Variants in FDFT1 observed in about 807,000 individuals in gnomAD.
FDFT1 encodes the protein squalene synthase.
A neutral mutation model predicts 46.8 loss-of-function variants in FDFT1; 68 were observed. The ratio of observed to expected loss-of-function variants is 1.45; its 90% CI spans 1.19 to 1.78. The LOEUF is 1.78. Among genes scored for constraint, FDFT1 ranks in the 40% most tolerant of loss-of-function variants. The pLI, the probability that FDFT1 is intolerant of heterozygous loss-of-function variation, is 0.00. For synonymous variants in FDFT1, 351 were observed against 185.1 expected (o/e 1.90, Z -7.28); for missense variants, 928 against 524.4 (o/e 1.77, Z -7.52).
chr8:11,801,967 G>C (rs754663959), upstream of FDFT1: 8 of 455,666 alleles, frequency 1.8e-5, no homozygotes, highest in South Asian at 1.2e-4. Context: ...GCGATTACAG[G>C]CGTGAGCCAC....
chr8:11,804,754 C>G (rs989473797), intron 1 of FDFT1, among the ~76,000 whole-genome samples: 3 of 151,760 alleles, frequency 2.0e-5, no homozygotes, highest in Admixed American at 2.0e-4. Flanking sequence ...TTACAGGCAC[C>G]TGCCACTACG....
At chr8:11,823,011 G>C (rs1051844753) in intron 4 of FDFT1, among the ~76,000 whole-genome samples, 2 of 152,130 alleles carry the variant, frequency 1.3e-5, no homozygotes, top group African/African-American at 4.8e-5. Flanking sequence ...CTGGTGTGTA[G>C]TGGTGTGATC....
At position 11,838,641 on chromosome 8, in the gene FDFT1, T is replaced by G; in HGVS notation, c.*32T>G. The G allele has an allele frequency of 6.6e-7, 1 of 1,514,032 alleles. No homozygotes were observed. The highest frequency in any genetic ancestry group is 9.2e-7 in the Non-Finnish European group (1 of 1,088,682). 93.8% of individuals were successfully genotyped at this position (1,514,032 alleles called of 1,614,324 possible). Reference sequence around the variant, plus strand: ...ATTTGTCCATAGCTGAAGTCCACCATAAAGTGGATTTACTTTTTTTCTTTA... The same window carrying G: ...ATTTGTCCATAGCTGAAGTCCACCAGAAAGTGGATTTACTTTTTTTCTTTA... On this transcript the variant is annotated 3_prime_UTR_variant, in exon 8 of 8. Transcript: ENST00000220584.
chr8:11,797,938 A>G (rs1410716200), upstream of FDFT1: 1 of 152,288 alleles, frequency 6.6e-6, no homozygotes, highest in Non-Finnish European at 1.5e-5. Context: ...TGAAATCCCA[A>G]CAAAGGATGT....
chr8:11,820,837 G>T (rs1256910936), intron 3 of FDFT1, among the ~76,000 whole-genome samples: 1 of 152,214 alleles, frequency 6.6e-6, no homozygotes, highest in Non-Finnish European at 1.5e-5. Context: ...ATGAGGTGAC[G>T]TCCTGCCCTG....
At chr8:11,830,604 G>C (rs1296347472) in intron 6 of FDFT1, among the ~76,000 whole-genome samples, 184 bp downstream of exon 6, 4 of 152,172 alleles carry the variant, frequency 2.6e-5, no homozygotes, top group African/African-American at 9.7e-5. Context: ...GCTCAGCCTT[G>C]AGGTTAAGCC....
At chr8:11,808,485 T>C (rs1185065990) in intron 1 of FDFT1, 2 of 1,326,226 alleles carry the variant, frequency 1.5e-6, no homozygotes, top group Middle Eastern at 2.8e-4. Context: ...CTTGAGTCTA[T>C]GGAGGAAAAA....
At chr8:11,822,185 T>C (rs1042077944) in intron 4 of FDFT1, among the ~76,000 whole-genome samples, 1 of 152,256 alleles carries the variant, frequency 6.6e-6, no homozygotes, top group Non-Finnish European at 1.5e-5. Context: ...GTTAGGAGTC[T>C]TGCCTATTTT....
chr8:11,808,502 G>C, intron 1 of FDFT1: 4 of 1,326,742 alleles, frequency 3.0e-6, no homozygotes, highest in Non-Finnish European at 3.8e-6. Flanking sequence ...AAAACTCCGC[G>C]GGGTCCGCGA....
intron 5 of FDFT1, among the ~76,000 whole-genome samples, chr8:11,826,618 A>G (rs1431601233): frequency 1.3e-5 from 2 of 152,222 alleles, no homozygotes; most frequent in African/African-American, 4.8e-5. Context: ...GTTCGAGACC[A>G]GCCTGGCCAA....
chr8:11,828,399 CTT>C (rs1810306270), intron 5 of FDFT1, among the ~76,000 whole-genome samples: 1 of 152,236 alleles, frequency 6.6e-6, no homozygotes, highest in Non-Finnish European at 1.5e-5. Context: ...AGAAACCACT[CTT>C]GTCTTACCCC....
chr8:11,807,793 T>C (rs1401302226), intron 1 of FDFT1: 2 of 152,222 alleles, frequency 1.3e-5, no homozygotes, highest in African/African-American at 4.8e-5. Flanking sequence ...TTCTAGAGAA[T>C]AGTAGAGGCT....
intron 7 of FDFT1, among the ~76,000 whole-genome samples, chr8:11,834,307 C>A (rs572701568): frequency 6.6e-6 from 1 of 152,204 alleles, no homozygotes; most frequent in Non-Finnish European, 1.5e-5. Context: ...TCAAACCAGC[C>A]TGGATGCTTG....
At chr8:11,826,889 G>A (rs1563331231) in intron 5 of FDFT1, among the ~76,000 whole-genome samples, 1 of 152,134 alleles carries the variant, frequency 6.6e-6, no homozygotes, top group East Asian at 1.9e-4. Flanking sequence ...GAGTTCTCTG[G>A]CCTCGCCTGG....
Position 11,803,459 on chromosome 8 carries a change from C to T in FDFT1, c.99+528C>T, listed in dbSNP as rs1806407293. On this transcript the variant is annotated intron_variant, in intron 1 of 7. Coordinates refer to ENST00000220584, the MANE Select transcript of FDFT1 (RefSeq NM_004462.5). Reference sequence around the variant, plus strand: ...CCTGAGTTTTAAAATCGCCTATCTACGCTTCCAAGTTCCAATGAGTTATCT... The same window carrying T: ...CCTGAGTTTTAAAATCGCCTATCTATGCTTCCAAGTTCCAATGAGTTATCT... The T allele has an allele frequency of 2.2e-5, 28 of 1,277,318 alleles. No individual in the cohort carries two copies. The South Asian group carries it at 3.2e-4, about 14-fold the overall frequency. 79.1% of individuals were successfully genotyped at this position (1,277,318 alleles called of 1,614,324 possible).
intron 3 of FDFT1, among the ~76,000 whole-genome samples, chr8:11,818,113 T>C (rs1045309748): frequency 1.3e-5 from 2 of 152,240 alleles, no homozygotes; most frequent in South Asian, 2.1e-4. Flanking sequence ...TTCATTTCGT[T>C]ATGTACCCAG....
intron 7 of FDFT1, among the ~76,000 whole-genome samples, chr8:11,836,271 A>AT (rs1313534123): frequency 6.6e-6 from 1 of 152,168 alleles, no homozygotes; most frequent in Non-Finnish European, 1.5e-5. Flanking sequence ...CACTCAGGTC[A>AT]TTTACAAGAG....
At chr8:11,833,764 A>T (rs1465138107) in intron 7 of FDFT1, among the ~76,000 whole-genome samples, 1 of 152,228 alleles carries the variant, frequency 6.6e-6, no homozygotes, top group Non-Finnish European at 1.5e-5. Flanking sequence ...ATGACTTGTA[A>T]AGCTGAAAAT....
At chr8:11,833,476 T>C (rs1811137218) in intron 7 of FDFT1, among the ~76,000 whole-genome samples, 1 of 152,246 alleles carries the variant, frequency 6.6e-6, no homozygotes, top group African/African-American at 2.4e-5. Flanking sequence ...GTTTTGGTTT[T>C]GCAGTTTGAT....
Sources: gnomAD v4.1 joint callset for allele counts (sites outside exome capture counted in the v4.1 genomes callset) on GRCh38, gnomAD v4.1.1 for gene constraint, MANE v1.5 for transcripts, NCBI Gene and HGNC (gene_info 2026-07-23, HGNC 2026-07-21) for gene names.